PIP5K1C: variants seen among roughly 807,000 people sequenced by gnomAD.
PIP5K1C encodes the protein phosphatidylinositol 4-phosphate 5-kinase type-1 gamma.
Under a neutral mutation model 80.1 loss-of-function variants are expected in PIP5K1C, and 45 were observed. That is an observed-to-expected ratio of 0.56 (90% CI 0.44 to 0.72). The LOEUF (loss-of-function observed/expected upper bound fraction) is 0.72, where lower values mean the gene tolerates loss of function less well. Ranked by LOEUF, PIP5K1C falls within the 30% of genes least tolerant of loss-of-function variation. The probability of loss-of-function intolerance (pLI) is 0.00; values close to 1 mark genes in which losing one functional copy is unlikely to be tolerated. For missense variants in PIP5K1C, 753 were observed against 954.6 expected, an observed-to-expected ratio of 0.79 and a Z score of 2.78; for synonymous variants, 498 against 420.1, an observed-to-expected ratio of 1.19 and a Z score of -2.27.
intron 1 of PIP5K1C, among the ~76,000 whole-genome samples, chr19:3,685,337 G>A (rs937995539): frequency 2.0e-5 from 3 of 152,174 alleles, no homozygotes; most frequent in Non-Finnish European, 2.9e-5. Flanking sequence ...AAAAAGACAG[G>A]AGTCTCGCTG....
chr19:3,678,226 G>T (rs2035452006), intron 1 of PIP5K1C, among the ~76,000 whole-genome samples: 1 of 137,510 alleles, frequency 7.3e-6, no homozygotes, highest in Non-Finnish European at 1.6e-5. Context: ...GAGGGACGGA[G>T]GGATGGAGGA....
chr19:3,633,002 G>T lies in PIP5K1C; in HGVS notation c.*165C>A. ...GTGCCGGGGCCCTGGGAGGCTTGTCGGGGAGGGGCCCGGCCGTCGGCATCC... is the reference window on the plus strand; with the variant it reads ...GTGCCGGGGCCCTGGGAGGCTTGTCTGGGAGGGGCCCGGCCGTCGGCATCC... On this transcript the variant is annotated 3_prime_UTR_variant, in exon 18 of 18. Transcript: ENST00000335312. 1 of 538,660 alleles carries T rather than the reference G, an allele frequency of 1.9e-6. No homozygotes were observed. The highest frequency in any genetic ancestry group is 2.4e-5 in the South Asian group (1 of 40,934). The allele number at this position is 538,660 out of a possible 1,614,324, so 33.4% of individuals were successfully genotyped here. A position where few individuals can be genotyped will look rare whatever the true frequency, so the allele number is the denominator to read the frequency against.
At chr19:3,655,803 C>T (rs1049779454) in intron 6 of PIP5K1C, among the ~76,000 whole-genome samples, 3 of 152,192 alleles carry the variant, frequency 2.0e-5, no homozygotes, top group South Asian at 2.1e-4. Context: ...ACATGGAAGG[C>T]GCCCACCTCG....
chr19:3,642,402 AG>A (rs1480297788), intron 14 of PIP5K1C, among the ~76,000 whole-genome samples: 1 of 152,242 alleles, frequency 6.6e-6, no homozygotes, highest in Non-Finnish European at 1.5e-5. Context: ...CAGGCGTGAC[AG>A]GAACGGCGCG....
intron 11 of PIP5K1C, 101 bp downstream of exon 11, chr19:3,645,873 T>TG: frequency 1.1e-6 from 1 of 886,002 alleles, no homozygotes; most frequent in Non-Finnish European, 1.9e-6. Flanking sequence ...TTTACTGCCC[T>TG]GCCCAGGGGG....
chr19:3,639,405 C>A (rs189388726), intron 15 of PIP5K1C, among the ~76,000 whole-genome samples: 78 of 152,284 alleles, frequency 5.1e-4, no homozygotes, highest in Admixed American at 4.6e-3. Context: ...TGGCACCTAG[C>A]CGCTGGGATC....
chr19:3,642,870 T>A, intron 14 of PIP5K1C, 37 bp downstream of exon 14: 1 of 1,581,934 alleles, frequency 6.3e-7, no homozygotes, highest in Non-Finnish European at 8.7e-7. Flanking sequence ...CAGGAGGAGC[T>A]GGTGAGACCC....
In PIP5K1C at chr19:3,667,347, G is replaced by A; in HGVS notation, c.101C>T (p.Ala34Val). 2 of 1,612,996 alleles carry A rather than the reference G, an allele frequency of 1.2e-6. No homozygotes were observed. The highest frequency in any genetic ancestry group is 1.7e-6 in the Non-Finnish European group (2 of 1,179,922). ...CTCTGTTGGGGCCGCCTTCTTCTGA[G>A]CCAAACCTGCAGAAGAGACAAGCTG... ...AAESGAAAGL[A>V]QKKAAPTEVL... The change falls in exon 2 of 18, where the codon GCT (alanine) becomes GTT (valine). Residue 34 changes from alanine (A) to valine (V), a missense_variant. By Grantham distance (64) the Ala-to-Val change is moderately conservative (BLOSUM62 0). Coordinates refer to ENST00000335312, the MANE Select transcript of PIP5K1C (RefSeq NM_012398.3).
intron 10 of PIP5K1C, 97 bp from the exon 11 acceptor site, chr19:3,646,155 C>T (rs1447895608): frequency 1.3e-6 from 1 of 775,902 alleles, no homozygotes; most frequent in African/African-American, 1.7e-5. Flanking sequence ...GTGGGGGGCA[C>T]CTTCTGTGTG....
At chr19:3,690,164 A>C (rs1279869256) in intron 1 of PIP5K1C, among the ~76,000 whole-genome samples, 1 of 151,818 alleles carries the variant, frequency 6.6e-6, no homozygotes, top group African/African-American at 2.4e-5. Context: ...ACATGGCTGT[A>C]GCATGAAGGT....
rs374193075 is a variant in PIP5K1C at position 3,670,662 on chromosome 19, C to A, written c.95-3309G>T. On this transcript the variant is annotated intron_variant, in intron 1 of 17. Transcript: ENST00000335312. ...CTCACACGGAGCCCTCCAGTGAGGA[C>A]CCCAGCCCTGGGTGGGAGGGGGCGT... Among the ~76,000 whole-genome samples the A allele has an allele frequency of 2.0e-4, 31 of 152,300 alleles. 1 individual carries two copies. In the East Asian group the frequency reaches 4.7e-3, roughly 23 times the overall value.
chr19:3,661,421 G>A (rs1249416445), intron 4 of PIP5K1C, among the ~76,000 whole-genome samples: 2 of 152,244 alleles, frequency 1.3e-5, no homozygotes, highest in African/African-American at 2.4e-5. Context: ...CACTGGTCAT[G>A]TCCGAAAGGG....
intron 6 of PIP5K1C, 51 bp from the exon 7 acceptor site, chr19:3,653,640 C>G (rs1252918354): frequency 6.5e-7 from 1 of 1,536,558 alleles, no homozygotes; most frequent in African/African-American, 1.4e-5. Flanking sequence ...CACAGACTCA[C>G]GGGGGCGGGC....
At chr19:3,659,564 A>G (rs914994676) in intron 5 of PIP5K1C, among the ~76,000 whole-genome samples, 1 of 152,114 alleles carries the variant, frequency 6.6e-6, no homozygotes, top group Non-Finnish European at 1.5e-5. Flanking sequence ...CCCGAGGGCC[A>G]TTTCTAGGCA....
intron 1 of PIP5K1C, among the ~76,000 whole-genome samples, chr19:3,682,573 C>T (rs1331056874): frequency 2.0e-5 from 3 of 152,032 alleles, no homozygotes; most frequent in East Asian, 1.9e-4. Context: ...CCTGTAGTCC[C>T]GGCTACTCGG....
intron 1 of PIP5K1C, chr19:3,669,938 A>G (rs2035146658): frequency 6.6e-6 from 1 of 152,534 alleles, no homozygotes; most frequent in Admixed American, 6.5e-5. Context: ...CGAGGTGGAA[A>G]ACTTTGCTGG....
rs531404867 is a variant in PIP5K1C, at chr19:3,644,321, C to T, written c.1346-70G>A. The stretch of plus-strand genomic sequence containing the variant: ...CATAGCAAAGCCCAGACAGGGCCGC[C>T]GCCCACATATACCCCACGTCCCTGT... On this transcript the variant is annotated intron_variant, in intron 11 of 17. Coordinates refer to ENST00000335312, the MANE Select transcript of PIP5K1C (RefSeq NM_012398.3). 1.3e-5 allele frequency: 20 copies of T among 1,501,722 alleles called. No individual in the cohort carries two copies. In the East Asian group the frequency reaches 1.4e-4, roughly 10 times the overall value. 93.0% of individuals were successfully genotyped at this position (1,501,722 alleles called of 1,614,324 possible). A position where few individuals can be genotyped will look rare whatever the true frequency, so the allele number is the denominator to read the frequency against.
intron 2 of PIP5K1C, among the ~76,000 whole-genome samples, chr19:3,666,336 G>C (rs2035007523): frequency 6.6e-6 from 1 of 152,240 alleles, no homozygotes; most frequent in African/African-American, 2.4e-5. Flanking sequence ...GCGCCCACTG[G>C]GGCTGGGAAG....
At chr19:3,685,622 C>A (rs1170304460) in intron 1 of PIP5K1C, among the ~76,000 whole-genome samples, 1 of 151,176 alleles carries the variant, frequency 6.6e-6, no homozygotes, top group African/African-American at 2.4e-5. Flanking sequence ...CCCAGCTACT[C>A]GGGAGGCTGA....
Sources: gnomAD v4.1 joint callset for allele counts (sites outside exome capture counted in the v4.1 genomes callset) on GRCh38, gnomAD v4.1.1 for gene constraint, MANE v1.5 for transcripts, NCBI Gene and HGNC (gene_info 2026-07-23, HGNC 2026-07-21) for gene names.